The following GRAMD4 variants were observed in gnomAD, a reference collection of about 807,000 sequenced individuals.
The protein encoded by GRAMD4 is GRAM domain-containing protein 4.
Under a neutral mutation model 83.9 loss-of-function variants are expected in GRAMD4, and 25 were observed. That is an observed-to-expected ratio of 0.30 (90% CI 0.22 to 0.42). The LOEUF is 0.42. GRAMD4 is among the 10% of genes least tolerant of loss of function. The probability of loss-of-function intolerance (pLI) is 1.00; values close to 1 mark genes in which losing one functional copy is unlikely to be tolerated. For synonymous variants in GRAMD4, 336 were observed against 320.9 expected (o/e 1.05, Z -0.50); for missense variants, 593 against 788.7 (o/e 0.75, Z 2.97).
intron 2 of GRAMD4, 79 bp from the exon 3 acceptor site, chr22:46,637,761 G>A: frequency 3.3e-6 from 5 of 1,514,706 alleles, no homozygotes; most frequent in Admixed American, 2.1e-5. Flanking sequence ...GGGCCCCTGG[G>A]CACCTCTGGG....
intron 17 of GRAMD4, among the ~76,000 whole-genome samples, chr22:46,676,346 G>A (rs1201536978): frequency 1.3e-5 from 2 of 152,228 alleles, no homozygotes; most frequent in Non-Finnish European, 2.9e-5. Flanking sequence ...AGGCCGGCTT[G>A]TCTCTGACCT....
intron 2 of GRAMD4, among the ~76,000 whole-genome samples, chr22:46,628,722 G>C (rs2081716488): frequency 6.6e-6 from 1 of 152,112 alleles, no homozygotes; most frequent in Non-Finnish European, 1.5e-5. Flanking sequence ...AGGAGGTAGG[G>C]CTGTGGGATC....
intron 8 of GRAMD4, 50 bp from the exon 9 acceptor site, chr22:46,665,565 G>A (rs1569300549): frequency 9.6e-7 from 1 of 1,037,530 alleles, no homozygotes; most frequent in Non-Finnish European, 1.5e-6. Flanking sequence ...GATGTGCCTT[G>A]TCCTGATCCA....
chr22:46,653,402 G>A (rs1412702942), intron 3 of GRAMD4, among the ~76,000 whole-genome samples: 1 of 152,222 alleles, frequency 6.6e-6, no homozygotes, highest in Non-Finnish European at 1.5e-5. Context: ...GTCCAGGGTG[G>A]AAAGAGGGGC....
intron 1 of GRAMD4, among the ~76,000 whole-genome samples, chr22:46,590,002 C>T (rs1206756825): frequency 6.6e-6 from 1 of 152,048 alleles, no homozygotes; most frequent in Non-Finnish European, 1.5e-5. Context: ...GGCCGTGTCG[C>T]CTCCTGTAAC....
intron 2 of GRAMD4, among the ~76,000 whole-genome samples, chr22:46,633,747 A>G (rs964793262): frequency 2.0e-5 from 3 of 152,156 alleles, no homozygotes; most frequent in African/African-American, 7.2e-5. Context: ...ATTGTGGGAA[A>G]GGCAACCCCT....
intron 3 of GRAMD4, among the ~76,000 whole-genome samples, chr22:46,655,114 G>A (rs1043051502): frequency 1.3e-5 from 2 of 152,194 alleles, no homozygotes; most frequent in Admixed American, 6.5e-5. Flanking sequence ...AAGCTTCCTC[G>A]GGAGCAGGGC....
chr22:46,661,555 G>A (rs942235378), intron 5 of GRAMD4, 113 bp downstream of exon 5: 17 of 771,828 alleles, frequency 2.2e-5, no homozygotes, highest in African/African-American at 2.0e-4. Context: ...TCCCCCAGCA[G>A]GTGGGCAGGC....
At chr22:46,576,573 G>C (rs1278766223), upstream of GRAMD4, among the ~76,000 whole-genome samples, 1 of 152,220 alleles carries the variant, frequency 6.6e-6, no homozygotes, top group Non-Finnish European at 1.5e-5. Flanking sequence ...GGCGCGCCAG[G>C]TACTGCGCGA....
chr22:46,586,675 C>T (rs1357458420), intron 1 of GRAMD4, among the ~76,000 whole-genome samples: 2 of 152,334 alleles, frequency 1.3e-5, no homozygotes, highest in East Asian at 3.9e-4. Flanking sequence ...GGTGGGGTCT[C>T]AGCTTCTCAG....
chr22:46,661,488 G>A, intron 5 of GRAMD4, 46 bp downstream of exon 5: 2 of 1,279,106 alleles, frequency 1.6e-6, no homozygotes, highest in African/African-American at 2.9e-5. Context: ...CGGGTGGGTG[G>A]CTGCGCGTCA....
chr22:46,616,373 T>C (rs1467014533), upstream of GRAMD4, among the ~76,000 whole-genome samples: 1 of 81,354 alleles, frequency 1.2e-5, no homozygotes, highest in African/African-American at 5.1e-5. Flanking sequence ...TACGTTCCCC[T>C]GTGTGTAGGT....
chr22:46,641,796 C>T (rs1385646502), intron 3 of GRAMD4, among the ~76,000 whole-genome samples: 1 of 152,196 alleles, frequency 6.6e-6, no homozygotes, highest in Non-Finnish European at 1.5e-5. Context: ...GCAGAATGGT[C>T]ATTTTCTACT....
chr22:46,590,222 G>A (rs13057198), intron 1 of GRAMD4, among the ~76,000 whole-genome samples: 7 of 152,014 alleles, frequency 4.6e-5, no homozygotes, highest in Non-Finnish European at 8.8e-5. Flanking sequence ...CCAGAGGGGC[G>A]GAGCTGGGAG....
At chr22:46,618,695 G>A (rs908114923), upstream of GRAMD4, among the ~76,000 whole-genome samples, 1 of 152,134 alleles carries the variant, frequency 6.6e-6, no homozygotes, top group Admixed American at 6.5e-5. This position sits in a 1 kb window ranked among gnomAD's most constrained non-coding sequence, Gnocchi z 5.8. Flanking sequence ...GGACCAGGCT[G>A]GGGTGGTGGG....
intron 3 of GRAMD4, among the ~76,000 whole-genome samples, chr22:46,650,615 T>C (rs5769055): frequency 0.38 from 58,193 of 152,172 alleles, 11,390 homozygotes; most frequent in Middle Eastern, 0.48. Context: ...TCCTCGCAGA[T>C]GCTGGGGAGG....
intron 3 of GRAMD4, among the ~76,000 whole-genome samples, chr22:46,647,146 A>G (rs970665683): frequency 2.6e-5 from 4 of 152,206 alleles, no homozygotes; most frequent in Non-Finnish European, 4.4e-5. Flanking sequence ...GTTCTGCCCT[A>G]GAGTGACATG....
rs955494577 is a variant in GRAMD4 at position 46,672,067 on chromosome 22, C to G, written c.1085-776C>G. Among the ~76,000 whole-genome samples the G allele has an allele frequency of 1.3e-5, 2 of 152,258 alleles. No individual in the cohort carries two copies. The highest frequency in any genetic ancestry group is 4.8e-5 in the African/African-American group (2 of 41,470). ...CTGGGGGCAGCGAGACAGCCCCCAG[C>G]ACTGGGAGGGGCACCCGGAGAGACC... On this transcript the variant is annotated intron_variant, in intron 13 of 18. Transcript: ENST00000406902. This position sits in a 1 kb window ranked among gnomAD's most constrained non-coding sequence, Gnocchi z 4.7.
chr22:46,599,776 G>A (rs868563683), intron 1 of GRAMD4, among the ~76,000 whole-genome samples: 2 of 152,180 alleles, frequency 1.3e-5, no homozygotes, highest in African/African-American at 2.4e-5. Flanking sequence ...CAGCACCATC[G>A]AACATGATGG....
Sources: allele counts gnomAD v4.1 joint callset (sites outside exome capture counted in the v4.1 genomes callset), GRCh38; gene constraint gnomAD v4.1.1; non-coding constraint Gnocchi (gnomAD v3.1); transcripts MANE v1.5; gene names NCBI Gene and HGNC (gene_info 2026-07-23, HGNC 2026-07-21).